PCSK5: variants seen among roughly 807,000 people sequenced by gnomAD.
The protein encoded by PCSK5 is prohormone convertase 5.
A neutral mutation model predicts 233.2 loss-of-function variants in PCSK5; 129 were observed. That is an observed-to-expected ratio of 0.55 (90% confidence interval 0.48 to 0.64). The LOEUF (loss-of-function observed/expected upper bound fraction) is 0.64, where lower values mean the gene tolerates loss of function less well. PCSK5 is among the 30% of genes least tolerant of loss of function. PCSK5 has a pLI of 0.00. For synonymous variants in PCSK5, 825 were observed against 879.2 expected (o/e 0.94, Z 1.09); for missense variants, 2,076 against 2,430.1 (o/e 0.85, Z 3.06).
intron 12 of PCSK5, 66 bp from the exon 13 acceptor site, chr9:76,169,638 G>T (rs751867397): frequency 1.4e-5 from 21 of 1,491,184 alleles, no homozygotes; most frequent in Non-Finnish European, 1.8e-5. Context: ...AGTGTCGATT[G>T]TGGTATTAAC....
chr9:76,235,513 C>A (rs1826226070), intron 22 of PCSK5, among the ~76,000 whole-genome samples: 1 of 152,058 alleles, frequency 6.6e-6, no homozygotes, highest in African/African-American at 2.4e-5. Flanking sequence ...GTGTTTAATC[C>A]ATTATCTTAA....
intron 24 of PCSK5, among the ~76,000 whole-genome samples, chr9:76,241,923 A>C (rs140792160): frequency 4.8e-4 from 73 of 152,278 alleles, no homozygotes; most frequent in African/African-American, 1.8e-3. Flanking sequence ...TGAAATGCAG[A>C]TTCTGATTCA....
At position 76,129,716 on chromosome 9, in the gene PCSK5, A is replaced by AT. The variant is rs10663675; in HGVS notation, c.1209-4386dup. Among the ~76,000 whole-genome samples, 21 of 151,432 alleles carry AT rather than the reference A, an allele frequency of 1.4e-4. 1 individual carries two copies. The highest frequency in any genetic ancestry group is 3.9e-4 in the African/African-American group (16 of 41,156). On this transcript the variant is annotated intron_variant, in intron 9 of 37. Coordinates refer to ENST00000674117, the MANE Select transcript of PCSK5 (RefSeq NM_001372043.1). ...ATCTGGGAAAACCCTTTGGTGAAGGATTTTTTTCTTTTTTAATTGAAGTGC... is the reference window on the plus strand; with the variant it reads ...ATCTGGGAAAACCCTTTGGTGAAGGATTTTTTTTCTTTTTTAATTGAAGTGC...
At chr9:75,936,282 A>C (rs760652687) in intron 2 of PCSK5, among the ~76,000 whole-genome samples, 14 of 152,204 alleles carry the variant, frequency 9.2e-5, no homozygotes, top group Admixed American at 9.2e-4. Flanking sequence ...CTTAAAATCC[A>C]ACAACAATGA....
chr9:76,337,840 T>TA (rs71372066), intron 34 of PCSK5, among the ~76,000 whole-genome samples: 64,423 of 148,094 alleles, frequency 0.44, 14,162 homozygotes, highest in Non-Finnish European at 0.5. Context: ...ATCTCTGTTT[T>TA]AAAAAAAAAA....
At chr9:76,324,132 A>G (rs1390888271) in intron 32 of PCSK5, among the ~76,000 whole-genome samples, 1 of 150,828 alleles carries the variant, frequency 6.6e-6, no homozygotes, top group Non-Finnish European at 1.5e-5. Flanking sequence ...CACCATGTTG[A>G]CCAGGCTGGT....
At chr9:76,113,517 G>A (rs1290840845) in intron 9 of PCSK5, among the ~76,000 whole-genome samples, 6 of 152,136 alleles carry the variant, frequency 3.9e-5, no homozygotes, top group African/African-American at 2.4e-5. Flanking sequence ...TTGGAAAATT[G>A]TAGGGAAATG....
chr9:76,219,227 G>A (rs897807096), intron 20 of PCSK5, among the ~76,000 whole-genome samples: 2 of 152,178 alleles, frequency 1.3e-5, no homozygotes, highest in Admixed American at 6.5e-5. Flanking sequence ...GGAAAGGAGT[G>A]TGGGAGATGA....
rs59681372 is a variant in PCSK5, at chr9:76,064,138, A to ACC, written c.633-3811_633-3810dup. Among the ~76,000 whole-genome samples, 120 of 89,832 alleles carry ACC rather than the reference A, an allele frequency of 1.3e-3. 2 individuals are homozygous for ACC. The highest frequency in any genetic ancestry group is 8.1e-3 in the Middle Eastern group (1 of 124). The allele number at this position is 89,832 out of a possible 152,430, so 58.9% of individuals were successfully genotyped here. A position where few individuals can be genotyped will look rare whatever the true frequency, so the allele number is the denominator to read the frequency against. Reference sequence around the variant, plus strand: ...GGGCGGCTGGCTGGGCGGAGGGCTGACCCCCCCACCTCCCTCCCGGACGGG... The same window carrying ACC: ...GGGCGGCTGGCTGGGCGGAGGGCTGACCCCCCCCCACCTCCCTCCCGGACGGG... On this transcript the variant is annotated intron_variant, in intron 5 of 37. Coordinates refer to ENST00000674117, the MANE Select transcript of PCSK5 (RefSeq NM_001372043.1).
At position 76,247,810 on chromosome 9, in the gene PCSK5, A is replaced by C. The variant is rs574328360; in HGVS notation, c.3142+7126A>C. 2.0e-5 allele frequency among the ~76,000 whole-genome samples: 3 copies of C among 151,274 alleles called. No homozygotes were observed. In the South Asian group the frequency reaches 6.3e-4, roughly 32 times the overall value. Reference sequence around the variant, plus strand: ...TTTAATCTTTTTTTTTTTGAGACAGAGTCTCGCCCTGTTGCCCAGGCTGGA... The same window carrying C: ...TTTAATCTTTTTTTTTTTGAGACAGCGTCTCGCCCTGTTGCCCAGGCTGGA... On this transcript the variant is annotated intron_variant, in intron 24 of 37. Coordinates refer to ENST00000674117, the MANE Select transcript of PCSK5 (RefSeq NM_001372043.1).
chr9:75,939,208 A>C (rs1007833350), intron 2 of PCSK5, among the ~76,000 whole-genome samples: 21 of 152,218 alleles, frequency 1.4e-4, no homozygotes, highest in African/African-American at 5.1e-4. Flanking sequence ...ATGTGTGTTA[A>C]CATTATGTTA....
chr9:76,174,422 T>G (rs1347341164), intron 13 of PCSK5, among the ~76,000 whole-genome samples: 1 of 151,886 alleles, frequency 6.6e-6, no homozygotes, highest in African/African-American at 2.4e-5. Flanking sequence ...TTCTTCTGCC[T>G]CAGCCCCCCA....
At chr9:76,302,239 A>G (rs764804154) in intron 28 of PCSK5, 22 bp downstream of exon 28, 2 of 1,149,760 alleles carry the variant, frequency 1.7e-6, no homozygotes, top group Admixed American at 4.7e-5. Flanking sequence ...ATAGGGAGGC[A>G]ACAATCACAG....
chr9:75,929,393 A>G (rs751759107), intron 1 of PCSK5, among the ~76,000 whole-genome samples: 1 of 152,210 alleles, frequency 6.6e-6, no homozygotes. Flanking sequence ...TTAAACCAGT[A>G]TTTGTACTAA....
chr9:76,296,937 G>T (rs1225715216), intron 27 of PCSK5, 72 bp downstream of exon 27: 2 of 953,836 alleles, frequency 2.1e-6, no homozygotes, highest in Non-Finnish European at 1.7e-6. Context: ...TATAACTCTG[G>T]TTTTTTTAGT....
chr9:76,034,616 G>A (rs529558172), intron 5 of PCSK5, among the ~76,000 whole-genome samples: 1 of 151,848 alleles, frequency 6.6e-6, no homozygotes, highest in Admixed American at 6.6e-5. Flanking sequence ...CACCTCCCAC[G>A]CATGTCACTT....
intron 35 of PCSK5, among the ~76,000 whole-genome samples, chr9:76,340,467 G>A (rs755098576): frequency 3.6e-4 from 54 of 151,980 alleles, no homozygotes; most frequent in Non-Finnish European, 6.6e-4. Flanking sequence ...CCAACATGGT[G>A]AAACCCCATC....
intron 12 of PCSK5, among the ~76,000 whole-genome samples, chr9:76,165,215 G>GAGAGAAA (rs1203981039): frequency 6.6e-6 from 1 of 152,190 alleles, no homozygotes; most frequent in African/African-American, 2.4e-5. Flanking sequence ...AAAAATAGAA[G>GAGAGAAA]AGAGAAAAGA....
At chr9:76,114,172 T>TA (rs1267767790) in intron 9 of PCSK5, among the ~76,000 whole-genome samples, 3 of 152,030 alleles carry the variant, frequency 2.0e-5, no homozygotes, top group African/African-American at 7.2e-5. Flanking sequence ...TGAAGAGAAT[T>TA]AAAAGAAAAC....
Sources: allele counts gnomAD v4.1 joint callset (sites outside exome capture counted in the v4.1 genomes callset), GRCh38; gene constraint gnomAD v4.1.1; transcripts MANE v1.5; gene names NCBI Gene and HGNC (gene_info 2026-07-23, HGNC 2026-07-21).